The following THOC2 variants were observed in gnomAD, a reference collection of about 807,000 sequenced individuals.
THOC2 encodes the protein THO complex subunit 2.
THOC2 carries 10 observed loss-of-function variants against 128.4 expected under a neutral mutation model. That is an observed-to-expected ratio of 0.08 (90% CI 0.05 to 0.13). The LOEUF is 0.13. Among genes scored for constraint, THOC2 ranks in the 10% least tolerant of loss-of-function variants. The pLI is 1.00. For missense variants in THOC2, 535 were observed against 1,155.7 expected (o/e 0.46, Z 7.79); for synonymous variants, 393 against 396.9 (o/e 0.99, Z 0.12).
chrX:123,601,801 T>C (rs1228929846), intron 38 of THOC2: 6 of 111,595 alleles, frequency 5.4e-5, no homozygotes, highest in African/African-American at 1.6e-4. Flanking sequence ...AGCAATAGCT[T>C]ATTAAATAGA....
intron 34 of THOC2, 91 bp downstream of exon 34, chrX:123,613,961 G>A: frequency 1.1e-6 from 1 of 902,874 alleles, no homozygotes; most frequent in Non-Finnish European, 1.5e-6. Flanking sequence ...AGACTACTAT[G>A]GAACAAACTA....
Position 123,669,751 on chromosome X carries a change from T to C in THOC2, c.862-1437A>G, listed in dbSNP as rs751915764. Among the ~76,000 whole-genome samples, 5 of 112,233 alleles carry C rather than the reference T, an allele frequency of 4.5e-5. No homozygotes were observed. In the East Asian group the frequency reaches 1.4e-3, roughly 31 times the overall value. On this transcript the variant is annotated intron_variant, in intron 9 of 38. Transcript: ENST00000245838. ...AGATACATGTAAAGTTAGAACTGTT[T>C]TATCTTCCTAGTGAGCACAATCTTG...
intron 8 of THOC2, among the ~76,000 whole-genome samples, chrX:123,682,534 C>T (rs190308276): frequency 1.6e-3 from 175 of 112,203 alleles, no homozygotes; most frequent in African/African-American, 5.4e-3. Flanking sequence ...CCTCAGACAT[C>T]TATACAGTTT....
intron 1 of THOC2, among the ~76,000 whole-genome samples, chrX:123,723,477 T>G (rs758985474): frequency 2.7e-5 from 3 of 111,582 alleles, no homozygotes; most frequent in Non-Finnish European, 5.6e-5. Flanking sequence ...TGTTGTATAA[T>G]AATGTTTCTA....
chrX:123,728,557 C>T (rs2052096067), intron 1 of THOC2, among the ~76,000 whole-genome samples: 1 of 110,079 alleles, frequency 9.1e-6, no homozygotes, highest in African/African-American at 3.3e-5. Context: ...AGCAACTTTG[C>T]GAGGAAAAAA....
intron 1 of THOC2, among the ~76,000 whole-genome samples, chrX:123,718,669 G>C (rs775818791): frequency 1.2e-3 from 129 of 110,309 alleles, no homozygotes; most frequent in African/African-American, 4.1e-3. Context: ...TGAGGCAGGA[G>C]AATCGCTTGG....
chrX:123,624,478 A>G, intron 26 of THOC2, 63 bp downstream of exon 26: 1 of 1,082,175 alleles, frequency 9.2e-7, no homozygotes, highest in Non-Finnish European at 1.2e-6. Context: ...TCAACTATCT[A>G]GATATTAATG....
At position 123,733,023 on chromosome X, in the gene THOC2, C is replaced by T. The variant is rs776286565; in HGVS notation, c.-1G>A. 2.7e-5 allele frequency: 33 copies of T among 1,208,962 alleles called. No homozygotes were observed. Among genetic ancestry groups the T allele is most frequent in the South Asian group, 3.5e-5 (2 of 56,786 alleles). The stretch of plus-strand genomic sequence containing the variant: ...GAACCACCACAGCCGCGGCCGCCAT[C>T]TTCCTCTCACTAGTAGCAGAAGCCC... On this transcript the variant is annotated 5_prime_UTR_variant, in exon 1 of 39. Transcript: ENST00000245838.
chrX:123,608,471 C>A (rs1244237290), intron 38 of THOC2, among the ~76,000 whole-genome samples: 1 of 99,206 alleles, frequency 1.0e-5, no homozygotes, highest in Admixed American at 1.1e-4. Context: ...GACCTGTAAT[C>A]CCAGCACTTT....
chrX:123,687,476 A>G (rs887033402), intron 7 of THOC2, among the ~76,000 whole-genome samples: 1 of 111,743 alleles, frequency 8.9e-6, no homozygotes, highest in Admixed American at 9.6e-5. Context: ...ACAAATAAAC[A>G]CTGATTTCTT....
At chrX:123,644,975 A>G (rs780421455) in intron 13 of THOC2, 66 bp from the exon 14 acceptor site, 347 of 952,044 alleles carry the variant, frequency 3.6e-4, no homozygotes, top group Non-Finnish European at 4.7e-4. Flanking sequence ...CAATAAATTT[A>G]TAACAGCCTT....
intron 15 of THOC2, among the ~76,000 whole-genome samples, chrX:123,642,523 T>C: frequency 2.7e-5 from 3 of 110,485 alleles, no homozygotes; most frequent in Middle Eastern, 9.5e-3. Flanking sequence ...CAGATTTAAA[T>C]TCATTTATTA....
At chrX:123,684,509 G>A (rs375221219) in intron 8 of THOC2, among the ~76,000 whole-genome samples, 15 of 111,234 alleles carry the variant, frequency 1.3e-4, no homozygotes, top group East Asian at 2.8e-4. Flanking sequence ...TCAGCCTCCC[G>A]AGTAGTGGGG....
chrX:123,656,045 G>T (rs1291037737), intron 12 of THOC2, among the ~76,000 whole-genome samples: 1 of 108,938 alleles, frequency 9.2e-6, no homozygotes, highest in Non-Finnish European at 1.9e-5. Context: ...CTTAATGGCC[G>T]GGCGTGGTGG....
At chrX:123,706,751 C>T in intron 3 of THOC2, 107 bp downstream of exon 3, 1 of 356,363 alleles carries the variant, frequency 2.8e-6, no homozygotes, top group Non-Finnish European at 4.7e-6. Context: ...AATCCATCCA[C>T]TTCTATAATT....
intron 12 of THOC2, among the ~76,000 whole-genome samples, chrX:123,647,252 T>C (rs1314361122): frequency 8.9e-6 from 1 of 112,170 alleles, no homozygotes; most frequent in Non-Finnish European, 1.9e-5. Flanking sequence ...AATCAAGAAG[T>C]ACATGCAAAT....
intron 28 of THOC2, chrX:123,623,512 T>TA (rs2047160042): frequency 5.3e-6 from 3 of 561,656 alleles, no homozygotes; most frequent in Non-Finnish European, 5.4e-6. Flanking sequence ...TTTTTTTTTT[T>TA]ACTCTTGAAG....
chrX:123,695,993 A>C lies in THOC2; in HGVS notation c.601+28T>G, dbSNP rs750542478. Reference sequence around the variant, plus strand: ...GCTAAAATAACTTGTTATCTTAACAACACATACTATACAGATAAATGTCTT... The same window carrying C: ...GCTAAAATAACTTGTTATCTTAACACCACATACTATACAGATAAATGTCTT... On this transcript the variant is annotated intron_variant, in intron 7 of 38. Coordinates refer to ENST00000245838, the MANE Select transcript of THOC2 (RefSeq NM_001081550.2). 2.2e-5 allele frequency: 22 copies of C among 986,818 alleles called. No individual in the cohort carries two copies. The East Asian group carries it at 6.4e-4, about 29-fold the overall frequency. The allele number at this position is 986,818 out of a possible 1,213,427, so 81.3% of individuals were successfully genotyped here. A position where few individuals can be genotyped will look rare whatever the true frequency, so the allele number is the denominator to read the frequency against.
chrX:123,669,973 T>C (rs1340838056), intron 9 of THOC2, among the ~76,000 whole-genome samples: 1 of 112,428 alleles, frequency 8.9e-6, no homozygotes, highest in African/African-American at 3.2e-5. Context: ...GACCACTCAG[T>C]CTGCTTACAT....
Sources: allele counts gnomAD v4.1 joint callset (sites outside exome capture counted in the v4.1 genomes callset), GRCh38; gene constraint gnomAD v4.1.1; transcripts MANE v1.5; gene names NCBI Gene and HGNC (gene_info 2026-07-23, HGNC 2026-07-21).